RGPD2: variants seen among roughly 807,000 people sequenced by gnomAD.
RGPD2 encodes RANBP2-like and GRIP domain-containing protein 2.
A neutral mutation model predicts 36.0 loss-of-function variants in RGPD2; 2 were observed. The observed-to-expected ratio is 0.06, with a 90% CI of 0.02 to 0.17. The LOEUF (loss-of-function observed/expected upper bound fraction) is 0.17, where lower values mean the gene tolerates loss of function less well. Ranked by LOEUF, RGPD2 falls within the 10% of genes least tolerant of loss-of-function variation. The pLI is 1.00. For missense variants in RGPD2, 40 were observed against 464.3 expected, an observed-to-expected ratio of 0.09 and a Z score of 8.40; for synonymous variants, 19 against 163.8, an observed-to-expected ratio of 0.12 and a Z score of 6.75.
At chr2:87,860,976 C>G in the RGPD2 span, among the ~76,000 whole-genome samples, 6 of 151,988 alleles carry the variant, frequency 3.9e-5, no homozygotes, top group Non-Finnish European at 7.4e-5. Context: ...ATTAGCTTTA[C>G]TACTGTATTA....
chr2:87,873,922 A>G, the RGPD2 span, among the ~76,000 whole-genome samples: 28 of 151,802 alleles, frequency 1.8e-4, no homozygotes, highest in East Asian at 5.3e-3. Context: ...TTGGGTGGGG[A>G]CACAGCCAAA....
chr2:87,966,383 A>T, the RGPD2 span, among the ~76,000 whole-genome samples: 1 of 148,068 alleles, frequency 6.8e-6, no homozygotes, highest in South Asian at 2.3e-4. Flanking sequence ...ATACGTAATC[A>T]TCTGCTCTAC....
At chr2:87,920,537 A>C in the RGPD2 span, among the ~76,000 whole-genome samples, 1 of 138,306 alleles carries the variant, frequency 7.2e-6, no homozygotes, top group Non-Finnish European at 1.5e-5. Flanking sequence ...CTACGAAGAC[A>C]CTAGATTTGG....
chr2:87,834,719 A>G, the RGPD2 span, among the ~76,000 whole-genome samples: 9 of 152,114 alleles, frequency 5.9e-5, no homozygotes, highest in Non-Finnish European at 1.3e-4. Flanking sequence ...TATTGTATTC[A>G]TGAATTTGAA....
At chr2:87,876,214 A>T in the RGPD2 span, among the ~76,000 whole-genome samples, 3 of 135,574 alleles carry the variant, frequency 2.2e-5, no homozygotes, top group Non-Finnish European at 3.1e-5. Context: ...TTATGTCCCC[A>T]TCTCCTTCAG....
At chr2:87,935,370 G>C in the RGPD2 span, among the ~76,000 whole-genome samples, 1 of 150,546 alleles carries the variant, frequency 6.6e-6, no homozygotes, top group African/African-American at 2.4e-5. Context: ...AGAGAATATT[G>C]GTATCTACGA....
the RGPD2 span, among the ~76,000 whole-genome samples, chr2:87,890,664 T>G: frequency 2.7e-5 from 4 of 150,852 alleles, no homozygotes; most frequent in Non-Finnish European, 5.9e-5. Context: ...GGTACCAGCA[T>G]GAGCTAACTT....
chr2:87,952,801 C>T, the RGPD2 span, among the ~76,000 whole-genome samples: 2 of 152,054 alleles, frequency 1.3e-5, no homozygotes, highest in Non-Finnish European at 1.5e-5. Context: ...AAATAAAGAA[C>T]TTCCAAGTCT....
At chr2:87,884,462 G>C in the RGPD2 span, among the ~76,000 whole-genome samples, 2 of 151,896 alleles carry the variant, frequency 1.3e-5, no homozygotes, top group Admixed American at 6.6e-5. Context: ...GCAAAAATAA[G>C]TGCAATAAAT....
the RGPD2 span, among the ~76,000 whole-genome samples, chr2:87,892,892 C>T: frequency 1.4e-5 from 2 of 147,348 alleles, no homozygotes; most frequent in African/African-American, 5.1e-5. Context: ...GTCCCATGTG[C>T]CACTCCTCCA....
intron 1 of RGPD2, among the ~76,000 whole-genome samples, chr2:87,824,772 GCCAGGCCGAGGC>G (rs1558738417): frequency 3.0e-5 from 2 of 67,380 alleles, no homozygotes; most frequent in Non-Finnish European, 5.8e-5. Flanking sequence ...CCGCCGCCCG[GCCAGGCCGAGGC>G]CGAGGCCGAG....
chr2:87,943,383 G>A, the RGPD2 span, among the ~76,000 whole-genome samples: 41 of 150,694 alleles, frequency 2.7e-4, no homozygotes, highest in African/African-American at 8.5e-4. Context: ...ATATACCTTT[G>A]GCCACTTGTA....
At chr2:87,965,304 A>T in the RGPD2 span, among the ~76,000 whole-genome samples, 1 of 137,050 alleles carries the variant, frequency 7.3e-6, no homozygotes. Flanking sequence ...CCCCTTTTTG[A>T]CTATTTACAG....
At chr2:87,897,791 A>C in the RGPD2 span, among the ~76,000 whole-genome samples, 2 of 151,748 alleles carry the variant, frequency 1.3e-5, no homozygotes, top group African/African-American at 4.8e-5. Flanking sequence ...ATACAAAATA[A>C]CTTATCTCAA....
the RGPD2 span, among the ~76,000 whole-genome samples, chr2:87,832,298 T>C: frequency 3.6e-4 from 53 of 149,192 alleles, 1 homozygote; most frequent in African/African-American, 1.2e-3. Context: ...CCTACCTATG[T>C]TAGTAATTGT....
the RGPD2 span, among the ~76,000 whole-genome samples, chr2:87,878,711 A>G: frequency 1.5e-4 from 23 of 152,306 alleles, no homozygotes; most frequent in Admixed American, 1.2e-3. Flanking sequence ...ATACCCATCG[A>G]CCAGCATCTC....
the RGPD2 span, among the ~76,000 whole-genome samples, chr2:87,961,652 A>G: frequency 7.7e-6 from 1 of 129,204 alleles, no homozygotes; most frequent in Non-Finnish European, 1.6e-5. Context: ...CAGTGAGCTG[A>G]GATCGCGCCA....
At chr2:87,977,775 T>C in the RGPD2 span, among the ~76,000 whole-genome samples, 1 of 152,220 alleles carries the variant, frequency 6.6e-6, no homozygotes, top group Non-Finnish European at 1.5e-5. Flanking sequence ...GGCTTCATTT[T>C]TTTTCCTGTA....
chr2:87,881,367 C>G, the RGPD2 span, among the ~76,000 whole-genome samples: 1 of 152,276 alleles, frequency 6.6e-6, no homozygotes, highest in African/African-American at 2.4e-5. Context: ...TACCTCCACA[C>G]TGCTCTGTCA....
Sources: allele counts gnomAD v4.1 joint callset (sites outside exome capture counted in the v4.1 genomes callset), GRCh38; gene constraint gnomAD v4.1.1; transcripts MANE v1.5; gene names NCBI Gene and HGNC (gene_info 2026-07-23, HGNC 2026-07-21).